The following PIK3AP1 variants were observed in gnomAD, a reference collection of about 807,000 sequenced individuals.
PIK3AP1 encodes the protein phosphoinositide-3-kinase adaptor protein 1.
A neutral mutation model predicts 88.1 loss-of-function variants in PIK3AP1; 21 were observed. The ratio of observed to expected loss-of-function variants is 0.24; its 90% CI spans 0.17 to 0.34. The LOEUF (loss-of-function observed/expected upper bound fraction) is 0.34. Among genes scored for constraint, PIK3AP1 ranks in the 10% least tolerant of loss-of-function variants. The pLI is 1.00. For synonymous variants in PIK3AP1, 398 were observed against 400.0 expected, an observed-to-expected ratio of 1.00 and a Z score of 0.06; for missense variants, 828 against 1,035.7, an observed-to-expected ratio of 0.80 and a Z score of 2.75.
intron 2 of PIK3AP1, among the ~76,000 whole-genome samples, chr10:96,676,644 A>G (rs1589531897): frequency 8.0e-6 from 1 of 125,544 alleles, no homozygotes; most frequent in Non-Finnish European, 1.6e-5. Context: ...ACACACGGGG[A>G]TTTTCTGGGG....
intron 13 of PIK3AP1, among the ~76,000 whole-genome samples, chr10:96,611,616 C>A (rs377312055): frequency 1.3e-5 from 2 of 152,176 alleles, no homozygotes; most frequent in African/African-American, 4.8e-5. Context: ...ACTACAGGCA[C>A]GCGCCACCAT....
chr10:96,656,880 G>A lies in PIK3AP1; in HGVS notation c.485C>T (p.Ser162Phe), dbSNP rs779864167. ...CGGCAGGTTCTGCTGCTTCGAGTAG[G>A]AAACAACCTTCTCGTCCTCAGGCTC... The part of the protein sequence containing the change: ...DTEPEDEKVV[S>F]YSKQQNLPTV... Residue 162 changes from serine to phenylalanine, a missense_variant, in exon 3 of 17, where the codon TCC (serine) becomes TTC (phenylalanine). Transcript: ENST00000339364. 1.9e-6 allele frequency: 3 copies of A among 1,613,962 alleles called. No individual in the cohort carries two copies. Among genetic ancestry groups the A allele is most frequent in the African/African-American group, 2.7e-5 (2 of 74,884 alleles).
At chr10:96,646,687 A>C (rs1843464870) in intron 7 of PIK3AP1, among the ~76,000 whole-genome samples, 1 of 152,124 alleles carries the variant, frequency 6.6e-6, no homozygotes, top group Non-Finnish European at 1.5e-5. Flanking sequence ...CAGGGGTTCC[A>C]GCCTCGATTT....
At chr10:96,673,474 C>A (rs1341061450) in intron 2 of PIK3AP1, among the ~76,000 whole-genome samples, 1 of 152,164 alleles carries the variant, frequency 6.6e-6, no homozygotes, top group Non-Finnish European at 1.5e-5. Context: ...CCCAGTGTTG[C>A]TAACAAAGCA....
chr10:96,641,693 G>A (rs1241852052), intron 8 of PIK3AP1, among the ~76,000 whole-genome samples: 1 of 152,174 alleles, frequency 6.6e-6, no homozygotes, highest in Non-Finnish European at 1.5e-5. Flanking sequence ...ACAGATTCCT[G>A]ATCCAGTCCT....
chr10:96,646,864 G>GTTTCTTA (rs1843467376), intron 7 of PIK3AP1, among the ~76,000 whole-genome samples: 1 of 152,122 alleles, frequency 6.6e-6, no homozygotes, highest in African/African-American at 2.4e-5. Context: ...AAACTTTGGT[G>GTTTCTTA]TTTCACAATC....
At chr10:96,645,995 C>T (rs1187093969) in intron 7 of PIK3AP1, among the ~76,000 whole-genome samples, 1 of 152,214 alleles carries the variant, frequency 6.6e-6, no homozygotes, top group African/African-American at 2.4e-5. Context: ...TGTGGTGGCT[C>T]ACACCTGTAA....
intron 8 of PIK3AP1, among the ~76,000 whole-genome samples, chr10:96,640,002 A>G (rs1843362838): frequency 6.6e-6 from 1 of 152,206 alleles, no homozygotes; most frequent in Non-Finnish European, 1.5e-5. Context: ...AGCTCAGGTA[A>G]AGAAAACACT....
intron 2 of PIK3AP1, among the ~76,000 whole-genome samples, chr10:96,674,808 G>C (rs540089778): frequency 7.4e-4 from 112 of 152,340 alleles, no homozygotes; most frequent in African/African-American, 2.5e-3. Context: ...ACCAAGCTTC[G>C]CTGAAAATTC....
intron 1 of PIK3AP1, among the ~76,000 whole-genome samples, chr10:96,719,981 G>C (rs1390564289): frequency 6.6e-6 from 1 of 152,196 alleles, no homozygotes; most frequent in African/African-American, 2.4e-5. Flanking sequence ...CCCCCTGTGG[G>C]TCCACGGAGC....
At chr10:96,654,159 T>A (rs960028648) in intron 3 of PIK3AP1, among the ~76,000 whole-genome samples, 4 of 152,154 alleles carry the variant, frequency 2.6e-5, no homozygotes, top group African/African-American at 9.7e-5. Flanking sequence ...CTCGGGGGAT[T>A]AATTTTCCCA....
At chr10:96,620,306 A>G in intron 12 of PIK3AP1, 46 bp downstream of exon 12, 2 of 1,590,980 alleles carry the variant, frequency 1.3e-6, no homozygotes, top group Non-Finnish European at 1.7e-6. Flanking sequence ...CTCTACTGTC[A>G]AGTGGGGAAA....
In PIK3AP1 at chr10:96,628,881, T is replaced by TACACACACACAC. The variant is rs150595125; in HGVS notation, c.1376-389_1376-388insGTGTGTGTGTGT. Among the ~76,000 whole-genome samples, 9 of 88,732 alleles carry TACACACACACAC rather than the reference T, an allele frequency of 1.0e-4. No homozygotes were observed. The South Asian group carries it at 2.3e-3, about 22-fold the overall frequency. The allele number at this position is 88,732 out of a possible 152,430, so 58.2% of individuals were successfully genotyped here. A position where few individuals can be genotyped will look rare whatever the true frequency, so the allele number is the denominator to read the frequency against. ...ACACACACACATATATACACATATA[T>TACACACACACAC]ATATATACATATATATATATATATA... On this transcript the variant is annotated intron_variant, in intron 8 of 16. Transcript: ENST00000339364.
chr10:96,646,366 A>C (rs1843460623), intron 7 of PIK3AP1, among the ~76,000 whole-genome samples: 1 of 152,182 alleles, frequency 6.6e-6, no homozygotes, highest in Non-Finnish European at 1.5e-5. Flanking sequence ...CTGCTTGAGA[A>C]AGGTATAATA....
chr10:96,612,720 G>A (rs1356405659), intron 13 of PIK3AP1, among the ~76,000 whole-genome samples: 3 of 151,822 alleles, frequency 2.0e-5, no homozygotes, highest in Non-Finnish European at 4.4e-5. Flanking sequence ...ATCAAAGGCT[G>A]ATGGGGGCTG....
chr10:96,649,643 T>C (rs1843510430), intron 6 of PIK3AP1, among the ~76,000 whole-genome samples: 2 of 152,246 alleles, frequency 1.3e-5, no homozygotes, highest in South Asian at 4.1e-4. Context: ...CCTTAGACTT[T>C]CCGCTGCCTT....
intron 10 of PIK3AP1, among the ~76,000 whole-genome samples, chr10:96,626,379 C>A (rs929622360): frequency 2.0e-5 from 3 of 152,184 alleles, no homozygotes; most frequent in African/African-American, 7.2e-5. Context: ...ATAGAGCATT[C>A]TTGATAGATT....
chr10:96,647,554 C>A (rs879328189), intron 7 of PIK3AP1, among the ~76,000 whole-genome samples: 7 of 152,098 alleles, frequency 4.6e-5, no homozygotes, highest in African/African-American at 9.7e-5. Flanking sequence ...CTGAGAGCAC[C>A]TTTTAGACTT....
At chr10:96,672,165 A>G (rs1843856223) in intron 2 of PIK3AP1, among the ~76,000 whole-genome samples, 1 of 152,198 alleles carries the variant, frequency 6.6e-6, no homozygotes, top group Non-Finnish European at 1.5e-5. Context: ...TGGCTTCCAG[A>G]GGTGGTTGGA....
Sources: allele counts gnomAD v4.1 joint callset (sites outside exome capture counted in the v4.1 genomes callset), GRCh38; gene constraint gnomAD v4.1.1; transcripts MANE v1.5; gene names NCBI Gene and HGNC (gene_info 2026-07-23, HGNC 2026-07-21).